Variants in CXCR1 observed in about 807,000 individuals in gnomAD.
The protein encoded by CXCR1 is C-X-C motif chemokine receptor 1.
For synonymous variants in CXCR1, 180 were observed against 184.7 expected (o/e 0.97, Z 0.21); for missense variants, 419 against 440.5 (o/e 0.95, Z 0.44).
Position 218,164,735 on chromosome 2 carries a change from G to A in CXCR1, c.477C>T (p.Gly159=), listed in dbSNP as rs760555672. 1.2e-6 allele frequency: 2 copies of A among 1,614,252 alleles called. No individual in the cohort carries two copies. The highest frequency in any genetic ancestry group is 1.3e-5 in the African/African-American group (1 of 75,078). ...KRHLVKFVCL[G]CWGLSMNLSL... ...ACAGATTCATAGACAGTCCCCAGCA[G>A]CCAAGACAAACAAACTTGACCAAGT... Residue 159 remains glycine (G), a synonymous_variant, in exon 2 of 2, where the codon GGC becomes GGT. Coordinates refer to ENST00000295683, the MANE Select transcript of CXCR1 (RefSeq NM_000634.3).
Position 218,164,237 on chromosome 2 carries a change from C to A in CXCR1, c.975G>T (p.Leu325=), listed in dbSNP as rs1247189298. The A allele has an allele frequency of 1.2e-6, 2 of 1,614,038 alleles. No individual in the cohort carries two copies. The highest frequency in any genetic ancestry group is 1.1e-5 in the South Asian group (1 of 91,076). The change falls in exon 2 of 2, where the codon CTG becomes CTT. Residue 325 remains leucine, a synonymous_variant. Transcript: ENST00000295683. Reference sequence around the variant, plus strand: ...GACGTGCCAAGAACTCCTTGCTGACCAGGCCATGCATAGCCAGGATCTTGA... The same window carrying A: ...GACGTGCCAAGAACTCCTTGCTGACAAGGCCATGCATAGCCAGGATCTTGA... ...GFLKILAMHG[L]VSKEFLARHR...
chr2:218,166,723 A>G (rs1691289732), intron 1 of CXCR1, among the ~76,000 whole-genome samples, 185 bp downstream of exon 1: 1 of 152,216 alleles, frequency 6.6e-6, no homozygotes, highest in African/African-American at 2.4e-5. Flanking sequence ...GCAAGGTATA[A>G]AAAGAGGGGA....
At chr2:218,166,344 A>T (rs897762180) in intron 1 of CXCR1, among the ~76,000 whole-genome samples, 2 of 152,166 alleles carry the variant, frequency 1.3e-5, no homozygotes, top group Non-Finnish European at 2.9e-5. Context: ...AGGCTGAGGC[A>T]GGAGAATCAC....
intron 1 of CXCR1, among the ~76,000 whole-genome samples, chr2:218,165,853 A>T (rs1175354499): frequency 6.6e-6 from 1 of 152,234 alleles, no homozygotes; most frequent in Non-Finnish European, 1.5e-5. Context: ...GAGAAGATAA[A>T]GTCTCCATCT....
rs55977783 is a variant in CXCR1, at chr2:218,163,517, G to A, written c.*642C>T. On this transcript the variant is annotated 3_prime_UTR_variant, in exon 2 of 2. Coordinates refer to ENST00000295683, the MANE Select transcript of CXCR1 (RefSeq NM_000634.3). ...TGTGTCTGCGATGTTGGTCATGGGG[G>A]TAAAGGGGGTTCTTGTGGCATAGAT... The A allele has an allele frequency of 1.1e-3, 176 of 157,164 alleles. 2 individuals carry two copies. Among genetic ancestry groups the A allele is most frequent in the Non-Finnish European group, 1.9e-3 (132 of 70,596 alleles). 9.7% of individuals were successfully genotyped at this position (157,164 alleles called of 1,614,324 possible).
rs566910178 is a variant in CXCR1, at chr2:218,164,395, T to C, written c.817A>G (p.Ile273Val). Residue 273 changes from isoleucine to valine, a missense_variant, in exon 2 of 2, where the codon ATC becomes GTC. Coordinates refer to ENST00000295683, the MANE Select transcript of CXCR1 (RefSeq NM_000634.3). ...TTGCGGCGCTCACAGCTCTCCTGGA[T>C]CACCTGGGTCCTCATGAGGGTGTCT... is the stretch of plus-strand genomic sequence containing the variant. Reference protein sequence around the residue: ...LADTLMRTQVIQESCERRNNI... With the variant: ...LADTLMRTQVVQESCERRNNI... 6.2e-7 allele frequency: 1 copy of C among 1,614,068 alleles called. No individual in the cohort carries two copies. The highest frequency in any genetic ancestry group is 1.3e-5 in the African/African-American group (1 of 75,022).
chr2:218,164,760 T>C lies in CXCR1; in HGVS notation c.452A>G (p.His151Arg), dbSNP rs1691252849. 6.2e-7 allele frequency: 1 copy of C among 1,614,214 alleles called. No individual in the cohort carries two copies. Among genetic ancestry groups the C allele is most frequent in the Non-Finnish European group, 8.5e-7 (1 of 1,180,038 alleles). ...HATRTLTQKRHLVKFVCLGCW... is the reference protein window; with the variant it reads ...HATRTLTQKRRLVKFVCLGCW... Reference sequence around the variant, plus strand: ...GCCAAGACAAACAAACTTGACCAAGTGACGCTTCTGGGTCAGTGTGCGTGT... The same window carrying C: ...GCCAAGACAAACAAACTTGACCAAGCGACGCTTCTGGGTCAGTGTGCGTGT... The change falls in exon 2 of 2, where the codon CAC becomes CGC. Residue 151 changes from histidine (H) to arginine (R), a missense_variant. Physicochemically the swap from His to Arg is conservative, Grantham distance 29. Coordinates refer to ENST00000295683, the MANE Select transcript of CXCR1 (RefSeq NM_000634.3).
At chr2:218,166,882 C>T (rs373878260) in intron 1 of CXCR1, 26 bp downstream of exon 1, 2 of 152,260 alleles carry the variant, frequency 1.3e-5, no homozygotes, top group South Asian at 2.1e-4. Context: ...CACAGAAAGT[C>T]CTAGCAAACA....
In CXCR1 at chr2:218,164,078, G is replaced by C; in HGVS notation, c.*81C>G. On this transcript the variant is annotated 3_prime_UTR_variant, in exon 2 of 2. Coordinates refer to ENST00000295683, the MANE Select transcript of CXCR1 (RefSeq NM_000634.3). ...AAAACCCAGATAGTGCCTGTCCAGAGCCAGATCACCTTCCACACACAACCT... is the reference window on the plus strand; with the variant it reads ...AAAACCCAGATAGTGCCTGTCCAGACCCAGATCACCTTCCACACACAACCT... 6.4e-7 allele frequency: 1 copy of C among 1,552,024 alleles called. No homozygotes were observed. The highest frequency in any genetic ancestry group is 8.8e-7 in the Non-Finnish European group (1 of 1,137,554).
chr2:218,163,935 C>T lies in CXCR1; in HGVS notation c.*224G>A, dbSNP rs1691232444. 1 of 568,694 alleles carries T rather than the reference C, an allele frequency of 1.8e-6. No homozygotes were observed. The highest frequency in any genetic ancestry group is 1.9e-5 in the African/African-American group (1 of 53,582). The allele number at this position is 568,694 out of a possible 1,614,324, so 35.2% of individuals were successfully genotyped here. A position where few individuals can be genotyped will look rare whatever the true frequency, so the allele number is the denominator to read the frequency against. ...ACGTTCAACGGGAATGATGGTGCTT[C>T]GTTTCCATGGAGGTGCAAAGGCCGG... On this transcript the variant is annotated 3_prime_UTR_variant, in exon 2 of 2. Transcript: ENST00000295683.
Position 218,164,383 on chromosome 2 carries a change from A to T in CXCR1, c.829T>A (p.Cys277Ser), listed in dbSNP as rs772090495. 1.2e-6 allele frequency: 2 copies of T among 1,614,022 alleles called. No individual in the cohort carries two copies. The highest frequency in any genetic ancestry group is 1.7e-6 in the Non-Finnish European group (2 of 1,179,940). ...CGGCCGATGTTGTTGCGGCGCTCAC[A>T]GCTCTCCTGGATCACCTGGGTCCTC... is the stretch of plus-strand genomic sequence containing the variant. ...LMRTQVIQES[C>S]ERRNNIGRAL... Residue 277 changes from cysteine (C) to serine (S), a missense_variant, in exon 2 of 2, where the codon TGT (cysteine) becomes AGT (serine). Physicochemically the swap from Cys to Ser is moderately radical, Grantham distance 112. Coordinates refer to ENST00000295683, the MANE Select transcript of CXCR1 (RefSeq NM_000634.3).
chr2:218,164,215 G>A lies in CXCR1; in HGVS notation c.997C>T (p.Arg333Cys), dbSNP rs140349292. ...HGLVSKEFLA[R>C]HRVTSYTSSS... ...GAAGTGTAGGAGGTAACACGATGACGTGCCAAGAACTCCTTGCTGACCAGG... is the reference window on the plus strand; with the variant it reads ...GAAGTGTAGGAGGTAACACGATGACATGCCAAGAACTCCTTGCTGACCAGG... The change falls in exon 2 of 2, where the codon CGT becomes TGT. Residue 333 changes from arginine to cysteine, a missense_variant. Coordinates refer to ENST00000295683, the MANE Select transcript of CXCR1 (RefSeq NM_000634.3). The A allele has an allele frequency of 1.0e-4, 161 of 1,614,002 alleles. No individual in the cohort carries two copies. The highest frequency in any genetic ancestry group is 1.2e-4 in the Non-Finnish European group (140 of 1,179,998).
Position 218,164,843 on chromosome 2 carries a change from A to G in CXCR1, c.369T>C (p.Ser123=). 1.9e-6 allele frequency: 3 copies of G among 1,614,252 alleles called. No individual in the cohort carries two copies. Among genetic ancestry groups the G allele is most frequent in the Non-Finnish European group, 2.5e-6 (3 of 1,180,042 alleles). Residue 123 remains serine (S), a synonymous_variant, in exon 2 of 2, where the codon AGT becomes AGC. Transcript: ENST00000295683. ...TGATGCAGGCCAACAGCAGGATGCCACTGTAGAAGTTGACTTCCTTCAGGA... is the reference window on the plus strand; with the variant it reads ...TGATGCAGGCCAACAGCAGGATGCCGCTGTAGAAGTTGACTTCCTTCAGGA... ...VSLLKEVNFY[S]GILLLACISV...
rs1207603437 is a variant in CXCR1 at position 218,164,508 on chromosome 2, C to A, written c.704G>T (p.Gly235Val). The change falls in exon 2 of 2, where the codon GGG (glycine) becomes GTG (valine). Residue 235 changes from glycine (G) to valine (V), a missense_variant. Coordinates refer to ENST00000295683, the MANE Select transcript of CXCR1 (RefSeq NM_000634.3). ...TLRTLFKAHM[G>V]QKHRAMRVIF... is the part of the protein sequence containing the mutation. The stretch of plus-strand genomic sequence containing the variant: ...GACCCTCATGGCTCGGTGCTTCTGC[C>A]CCATGTGGGCCTTAAACAGTGTACG... The A allele has an allele frequency of 6.2e-7, 1 of 1,614,160 alleles. No individual in the cohort carries two copies. The highest frequency in any genetic ancestry group is 8.5e-7 in the Non-Finnish European group (1 of 1,180,030).
Position 218,163,062 on chromosome 2 carries a change from G to C in CXCR1, c.*1097C>G, listed in dbSNP as rs1337078818. The C allele has an allele frequency of 6.6e-6, 1 of 152,428 alleles. No homozygotes were observed. Among genetic ancestry groups the C allele is most frequent in the African/African-American group, 2.4e-5 (1 of 41,464 alleles). 9.4% of individuals were successfully genotyped at this position (152,428 alleles called of 1,614,324 possible). ...ACCCAGAAGATGATGCTCACCTCAG[G>C]GTGAAGCTGAGACTCCCTGGAGGAG... On this transcript the variant is annotated 3_prime_UTR_variant, in exon 2 of 2. Transcript: ENST00000295683.
At position 218,165,095 on chromosome 2, in the gene CXCR1, C is replaced by T. The variant is rs1200036794; in HGVS notation, c.117G>A (p.Lys39=). Residue 39 remains lysine, a synonymous_variant, in exon 2 of 2, where the codon AAG becomes AAA. Transcript: ENST00000295683. ...GGGCATAGGCGATGATCACAACATA[C>T]TTGTTGAGTGTCTCAGTTTCTAGCA... The part of the protein sequence containing the change: ...PCMLETETLN[K]YVVIIAYALV... 1.9e-6 allele frequency: 3 copies of T among 1,614,240 alleles called. No homozygotes were observed. Among genetic ancestry groups the T allele is most frequent in the East Asian group, 2.2e-5 (1 of 44,892 alleles).
rs1001165300 is a variant in CXCR1, at chr2:218,164,192, A to C, written c.1020T>G (p.Thr340=). The change falls in exon 2 of 2, where the codon ACT becomes ACG. Residue 340 remains threonine (T), a synonymous_variant. Coordinates refer to ENST00000295683, the MANE Select transcript of CXCR1 (RefSeq NM_000634.3). ...FLARHRVTSY[T]SSSVNVSSNL The stretch of plus-strand genomic sequence containing the variant: ...TGGAAGAGACATTGACAGACGAAGA[A>C]GTGTAGGAGGTAACACGATGACGTG... 4 of 1,614,036 alleles carry C rather than the reference A, an allele frequency of 2.5e-6. No homozygotes were observed. Among genetic ancestry groups the C allele is most frequent in the Non-Finnish European group, 3.4e-6 (4 of 1,180,036 alleles).
rs1186737740 is a variant in CXCR1, at chr2:218,164,251, C to T, written c.961G>A (p.Ala321Thr). The change falls in exon 2 of 2, where the codon GCT (alanine) becomes ACT (threonine). Residue 321 changes from alanine to threonine, a missense_variant. Physicochemically the swap from Ala to Thr is moderately conservative, Grantham distance 58. Transcript: ENST00000295683. ...NFRHGFLKIL[A>T]MHGLVSKEFL... ...TCCTTGCTGACCAGGCCATGCATAG[C>T]CAGGATCTTGAGGAATCCATGGCGA... 1 of 1,613,596 alleles carries T rather than the reference C, an allele frequency of 6.2e-7. No homozygotes were observed. Among genetic ancestry groups the T allele is most frequent in the Non-Finnish European group, 8.5e-7 (1 of 1,179,526 alleles).
At chr2:218,165,554 C>A (rs1691271352) in intron 1 of CXCR1, among the ~76,000 whole-genome samples, 2 of 152,216 alleles carry the variant, frequency 1.3e-5, no homozygotes. Context: ...CCTCTTTAGC[C>A]TTCTCCATCC....
Sources: gnomAD v4.1 joint callset for allele counts (sites outside exome capture counted in the v4.1 genomes callset) on GRCh38, gnomAD v4.1.1 for gene constraint, MANE v1.5 for transcripts, NCBI Gene and HGNC (gene_info 2026-07-23, HGNC 2026-07-21) for gene names.